The following NRG3 variants were observed in gnomAD, a reference collection of about 807,000 sequenced individuals.
NRG3 encodes neuregulin 3, also known as pro-neuregulin-3, membrane-bound isoform.
Under a neutral mutation model 66.9 loss-of-function variants are expected in NRG3, and 31 were observed. That is an observed-to-expected ratio of 0.46 (90% CI 0.35 to 0.63). The LOEUF is 0.63. NRG3 is among the 20% of genes least tolerant of loss of function. The pLI is 0.00. For missense variants in NRG3, 910 were observed against 878.9 expected, an observed-to-expected ratio of 1.04 and a Z score of -0.45; for synonymous variants, 393 against 359.4, an observed-to-expected ratio of 1.09 and a Z score of -1.06.
chr10:81,937,849 T>A (rs916690648), intron 1 of NRG3, among the ~76,000 whole-genome samples: 1 of 152,134 alleles, frequency 6.6e-6, no homozygotes, highest in African/African-American at 2.4e-5. Context: ...CTCCCCTGAT[T>A]CATCCAGTAG....
chr10:82,285,779 C>T (rs61863052), intron 1 of NRG3, among the ~76,000 whole-genome samples: 15,145 of 152,208 alleles, frequency 0.1, 901 homozygotes, highest in Non-Finnish European at 0.14. Context: ...ATTCTGAACT[C>T]CTATGACTTC....
chr10:82,916,728 G>A (rs530929479), intron 4 of NRG3, among the ~76,000 whole-genome samples: 1 of 151,846 alleles, frequency 6.6e-6, no homozygotes, highest in African/African-American at 2.4e-5. Flanking sequence ...CGATTCTCCT[G>A]CTTCAGCCTC....
intron 1 of NRG3, among the ~76,000 whole-genome samples, chr10:82,350,404 A>AGG (rs1402507355): frequency 6.6e-6 from 1 of 152,208 alleles, no homozygotes; most frequent in Non-Finnish European, 1.5e-5. Flanking sequence ...TAGGTCCCTA[A>AGG]GATCCCATAA....
chr10:82,742,736 A>T (rs1415184150), intron 3 of NRG3, among the ~76,000 whole-genome samples: 1 of 152,100 alleles, frequency 6.6e-6, no homozygotes, highest in Non-Finnish European at 1.5e-5. Flanking sequence ...GCACTGAGGG[A>T]TAGCAGCAGT....
chr10:82,393,969 T>G (rs1198283305), intron 2 of NRG3, among the ~76,000 whole-genome samples: 2 of 152,208 alleles, frequency 1.3e-5, no homozygotes, highest in Non-Finnish European at 2.9e-5. Context: ...TTCACCTTTT[T>G]ATTCCAATAT....
intron 3 of NRG3, among the ~76,000 whole-genome samples, chr10:82,831,888 C>T (rs1032841613): frequency 2.0e-5 from 3 of 152,094 alleles, no homozygotes; most frequent in African/African-American, 4.8e-5. Context: ...CTGTCCAAAG[C>T]CTTATATGCA....
chr10:82,794,557 T>C (rs2060718397), intron 3 of NRG3, among the ~76,000 whole-genome samples: 2 of 152,172 alleles, frequency 1.3e-5, no homozygotes, highest in Admixed American at 1.3e-4. Context: ...GGCTTATGCT[T>C]TGTGACTGAA....
At chr10:82,765,396 CAT>C (rs1203066505) in intron 3 of NRG3, among the ~76,000 whole-genome samples, 3 of 152,030 alleles carry the variant, frequency 2.0e-5, no homozygotes, top group African/African-American at 7.2e-5. Context: ...CATACTTACA[CAT>C]GATACAAATG....
At chr10:82,533,477 G>A (rs915164814) in intron 2 of NRG3, among the ~76,000 whole-genome samples, 1 of 151,322 alleles carries the variant, frequency 6.6e-6, no homozygotes, top group Non-Finnish European at 1.5e-5. Context: ...TATGGTATAA[G>A]ATAAAGGTCC....
chr10:82,466,118 T>C (rs1480905540), intron 2 of NRG3, among the ~76,000 whole-genome samples: 1 of 152,314 alleles, frequency 6.6e-6, no homozygotes, highest in Non-Finnish European at 1.5e-5. Flanking sequence ...CACCTGTGTC[T>C]GGCTTTTCTC....
chr10:82,766,072 G>A (rs941423283), intron 3 of NRG3, among the ~76,000 whole-genome samples: 8 of 152,102 alleles, frequency 5.3e-5, no homozygotes, highest in African/African-American at 1.4e-4. Context: ...TTTGATATGT[G>A]AGCTCATGGT....
intron 1 of NRG3, among the ~76,000 whole-genome samples, chr10:81,934,730 C>T (rs1289292100): frequency 6.6e-6 from 1 of 152,066 alleles, no homozygotes; most frequent in Non-Finnish European, 1.5e-5. Flanking sequence ...TTTTAGATCA[C>T]CTATTACTTT....
At chr10:82,299,775 T>C (rs1358881960) in intron 1 of NRG3, among the ~76,000 whole-genome samples, 2 of 152,028 alleles carry the variant, frequency 1.3e-5, no homozygotes, top group Non-Finnish European at 2.9e-5. Flanking sequence ...GCAAAAATTA[T>C]CAAAACCACC....
At chr10:82,038,123 C>A (rs2132972014) in intron 1 of NRG3, among the ~76,000 whole-genome samples, 1 of 152,230 alleles carries the variant, frequency 6.6e-6, no homozygotes, top group South Asian at 2.1e-4. Context: ...TTTAATCTTT[C>A]ACTAATTGTT....
chr10:82,920,308 G>A (rs1030094966), intron 4 of NRG3, among the ~76,000 whole-genome samples: 2 of 152,154 alleles, frequency 1.3e-5, no homozygotes, highest in Non-Finnish European at 2.9e-5. Context: ...ACTGATGGTA[G>A]TTGGTGGAAG....
chr10:82,294,007 GT>G (rs2079899145), intron 1 of NRG3, among the ~76,000 whole-genome samples: 1 of 151,682 alleles, frequency 6.6e-6, no homozygotes, highest in African/African-American at 2.4e-5. Flanking sequence ...TGCTACTCTG[GT>G]TTTTGGCCTT....
chr10:82,528,427 A>C (rs1846934597), intron 2 of NRG3, among the ~76,000 whole-genome samples: 2 of 152,220 alleles, frequency 1.3e-5, no homozygotes, highest in Non-Finnish European at 2.9e-5. Context: ...CATCATGGTT[A>C]GTATTCTAGC....
chr10:82,692,013 C>T (rs1350193457), intron 2 of NRG3, among the ~76,000 whole-genome samples: 1 of 152,146 alleles, frequency 6.6e-6, no homozygotes, highest in Admixed American at 6.5e-5. Flanking sequence ...AGGCGCAGTG[C>T]CTGTAATCCC....
chr10:82,041,900 T>A (rs2063059786), intron 1 of NRG3, among the ~76,000 whole-genome samples: 1 of 151,972 alleles, frequency 6.6e-6, no homozygotes, highest in African/African-American at 2.4e-5. Context: ...GATCATTCAG[T>A]CCAATCTCCT....
Sources: allele counts gnomAD v4.1 joint callset (sites outside exome capture counted in the v4.1 genomes callset), GRCh38; gene constraint gnomAD v4.1.1; transcripts MANE v1.5; gene names NCBI Gene and HGNC (gene_info 2026-07-23, HGNC 2026-07-21).